PATJ: variants seen among roughly 807,000 people sequenced by gnomAD.
PATJ encodes the protein PATJ crumbs cell polarity complex component, also known as inaD-like protein.
A neutral mutation model predicts 224.9 loss-of-function variants in PATJ; 190 were observed. That is an observed-to-expected ratio of 0.84 (90% CI 0.75 to 0.95). PATJ has a LOEUF of 0.95. PATJ is among the 40% of genes least tolerant of loss of function. The probability of loss-of-function intolerance (pLI) is 0.00; values close to 1 mark genes in which losing one functional copy is unlikely to be tolerated. For missense variants in PATJ, 2,121 were observed against 2,270.3 expected (o/e 0.93, Z 1.34); for synonymous variants, 769 against 820.3 (o/e 0.94, Z 1.07).
chr1:61,935,082 G>A (rs867100981), intron 27 of PATJ, among the ~76,000 whole-genome samples: 18 of 150,908 alleles, frequency 1.2e-4, no homozygotes, highest in South Asian at 2.1e-4. Context: ...TTTCTAACCT[G>A]CAAGCATTCA....
chr1:62,123,587 C>T (rs1354234933), intron 39 of PATJ, among the ~76,000 whole-genome samples: 1 of 148,706 alleles, frequency 6.7e-6, no homozygotes, highest in Non-Finnish European at 1.5e-5. Flanking sequence ...ATGCCATTCT[C>T]CTGCCTCAGC....
At chr1:62,125,794 G>C (rs1384830356) in intron 39 of PATJ, among the ~76,000 whole-genome samples, 2 of 151,764 alleles carry the variant, frequency 1.3e-5, no homozygotes, top group African/African-American at 4.8e-5. Context: ...TCCTGAGACA[G>C]AGTCTCACTC....
chr1:62,142,208 G>C lies in PATJ; in HGVS notation c.5272-6076G>C, dbSNP rs117739011. Among the ~76,000 whole-genome samples, 173 of 152,224 alleles carry C rather than the reference G, an allele frequency of 1.1e-3. 3 individuals carry two copies. In the East Asian group the frequency reaches 0.025, roughly 22 times the overall value. Reference sequence around the variant, plus strand: ...ATGGACAGCTGACAACAGTACCCGTGTAACTTCCCACAAAGCATAGGACTC... The same window carrying C: ...ATGGACAGCTGACAACAGTACCCGTCTAACTTCCCACAAAGCATAGGACTC... On this transcript the variant is annotated intron_variant, in intron 41 of 43. Coordinates refer to ENST00000642238, the MANE Select transcript of PATJ (RefSeq NM_001350145.3).
At chr1:61,750,953 T>G (rs1036553632) in intron 1 of PATJ, among the ~76,000 whole-genome samples, 1 of 152,050 alleles carries the variant, frequency 6.6e-6, no homozygotes, top group African/African-American at 2.4e-5. Context: ...CCTTGCTTTG[T>G]TTTTACCTTT....
chr1:61,952,542 G>C (rs1571473829), intron 27 of PATJ: 2 of 672,960 alleles, frequency 3.0e-6, no homozygotes, highest in East Asian at 5.5e-5. Flanking sequence ...TTAAGTAAGA[G>C]AGCGAGGGCA....
At chr1:61,806,998 A>C (rs1653708620) in intron 13 of PATJ, among the ~76,000 whole-genome samples, 2 of 151,964 alleles carry the variant, frequency 1.3e-5, no homozygotes, top group South Asian at 4.2e-4. Context: ...CTAAAAATAC[A>C]GAAATTAGCT....
At chr1:61,821,532 A>G (rs985466329) in intron 14 of PATJ, among the ~76,000 whole-genome samples, 3 of 152,172 alleles carry the variant, frequency 2.0e-5, no homozygotes, top group African/African-American at 7.2e-5. Context: ...ATTTGTCTGC[A>G]TGTCTATAGT....
At chr1:62,094,040 T>A (rs1219676304) in intron 33 of PATJ, among the ~76,000 whole-genome samples, 1 of 152,188 alleles carries the variant, frequency 6.6e-6, no homozygotes, top group Non-Finnish European at 1.5e-5. Context: ...TGTAAATATA[T>A]GTAATAGTTT....
intron 31 of PATJ, among the ~76,000 whole-genome samples, chr1:62,070,988 C>T (rs985613844): frequency 4.6e-5 from 7 of 152,174 alleles, no homozygotes; most frequent in African/African-American, 1.7e-4. Flanking sequence ...TGTTATACAT[C>T]GAATGGGAGC....
At chr1:62,116,496 T>C in intron 35 of PATJ, 36 bp from the exon 36 acceptor site, 1 of 1,609,582 alleles carries the variant, frequency 6.2e-7, no homozygotes, top group Non-Finnish European at 8.5e-7. Context: ...AAATATTAGG[T>C]TGTGCCAATA....
intron 27 of PATJ, among the ~76,000 whole-genome samples, chr1:61,948,399 C>T (rs1679091954): frequency 6.6e-6 from 1 of 152,128 alleles, no homozygotes; most frequent in African/African-American, 2.4e-5. Context: ...AAAAAGTGGG[C>T]AAAGGATATG....
At chr1:61,779,411 T>C (rs1172345078) in intron 7 of PATJ, among the ~76,000 whole-genome samples, 1 of 152,224 alleles carries the variant, frequency 6.6e-6, no homozygotes, top group Non-Finnish European at 1.5e-5. Flanking sequence ...GCTCAGTTTT[T>C]GCTTGTGAAT....
intron 14 of PATJ, among the ~76,000 whole-genome samples, chr1:61,813,164 A>G (rs1398281154): frequency 6.6e-6 from 1 of 151,534 alleles, no homozygotes; most frequent in Non-Finnish European, 1.5e-5. Flanking sequence ...ATGTTTTATA[A>G]TAAGTAAAAG....
intron 33 of PATJ, among the ~76,000 whole-genome samples, chr1:62,098,040 G>A (rs886389102): frequency 4.6e-5 from 7 of 151,960 alleles, no homozygotes; most frequent in African/African-American, 1.4e-4. Context: ...AGGCGGAGGC[G>A]GGCAGATCAC....
At chr1:62,037,914 T>A (rs1650740002) in intron 29 of PATJ, 63 bp from the exon 30 acceptor site, 1 of 943,990 alleles carries the variant, frequency 1.1e-6, no homozygotes, top group East Asian at 2.7e-5. Context: ...GAAGTATTTA[T>A]AATTTGAGCC....
intron 18 of PATJ, among the ~76,000 whole-genome samples, chr1:61,857,277 C>T (rs1663849343): frequency 6.6e-6 from 1 of 152,204 alleles, no homozygotes; most frequent in African/African-American, 2.4e-5. Context: ...GTCATTCTTT[C>T]AAGCCCTTTA....
chr1:61,982,535 G>A (rs374394128), intron 27 of PATJ, among the ~76,000 whole-genome samples: 14 of 152,006 alleles, frequency 9.2e-5, no homozygotes, highest in African/African-American at 3.4e-4. Context: ...CGATGACACA[G>A]TGAACTGTGA....
At chr1:62,031,270 G>A (rs556996366) in intron 29 of PATJ, among the ~76,000 whole-genome samples, 20 of 152,276 alleles carry the variant, frequency 1.3e-4, no homozygotes, top group Admixed American at 3.9e-4. Context: ...CACCTTTAAA[G>A]AGGAAGAAAA....
intron 1 of PATJ, among the ~76,000 whole-genome samples, chr1:61,748,231 A>G (rs1318867709): frequency 7.6e-6 from 1 of 132,324 alleles, no homozygotes; most frequent in Non-Finnish European, 1.6e-5. Context: ...TGCTATGTGT[A>G]TACTGCCTTA....
Sources: allele counts gnomAD v4.1 joint callset (sites outside exome capture counted in the v4.1 genomes callset), GRCh38; gene constraint gnomAD v4.1.1; transcripts MANE v1.5; gene names NCBI Gene and HGNC (gene_info 2026-07-23, HGNC 2026-07-21).